PCDHA13: variants seen among roughly 807,000 people sequenced by gnomAD.
PCDHA13 encodes protocadherin alpha-13.
A neutral mutation model predicts 64.8 loss-of-function variants in PCDHA13; 54 were observed. The ratio of observed to expected loss-of-function variants is 0.83; its 90% CI spans 0.67 to 1.04. PCDHA13 has a LOEUF of 1.04. PCDHA13 is among the 50% of genes least tolerant of loss of function. The pLI is 0.00. For missense variants in PCDHA13, 1,248 were observed against 1,254.3 expected, an observed-to-expected ratio of 0.99 and a Z score of 0.08; for synonymous variants, 587 against 564.4, an observed-to-expected ratio of 1.04 and a Z score of -0.57.
At chr5:140,900,073 G>T (rs1490261769) in intron 1 of PCDHA13, among the ~76,000 whole-genome samples, 1 of 152,072 alleles carries the variant, frequency 6.6e-6, no homozygotes, top group African/African-American at 2.4e-5. Flanking sequence ...GCCTCCAAAA[G>T]TGCTGCAGTT....
chr5:140,969,311 G>A (rs2096317598), intron 1 of PCDHA13: 2 of 1,614,050 alleles, frequency 1.2e-6, no homozygotes, highest in Non-Finnish European at 1.7e-6. Context: ...TCTCAAAAAT[G>A]AGGCTGTTTC....
At chr5:140,893,336 A>G (rs2063930718) in intron 1 of PCDHA13, among the ~76,000 whole-genome samples, 1 of 152,098 alleles carries the variant, frequency 6.6e-6, no homozygotes, top group Admixed American at 6.6e-5. Context: ...TGTTTTCCTT[A>G]GTGGCAGTGC....
intron 1 of PCDHA13, among the ~76,000 whole-genome samples, chr5:140,965,464 C>T (rs987279720): frequency 1.3e-5 from 2 of 151,782 alleles, no homozygotes; most frequent in Admixed American, 1.3e-4. Context: ...AAGATAAATC[C>T]CAGACTCCCA....
At chr5:140,991,792 T>A (rs541458701) in intron 3 of PCDHA13, among the ~76,000 whole-genome samples, 4 of 152,282 alleles carry the variant, frequency 2.6e-5, no homozygotes, top group Non-Finnish European at 5.9e-5. Context: ...CATTTCCCAA[T>A]CTCAAGGCCA....
At chr5:140,926,911 G>A (rs1248832475) in intron 1 of PCDHA13, 4 of 1,561,318 alleles carry the variant, frequency 2.6e-6, no homozygotes, top group Non-Finnish European at 3.5e-6. Flanking sequence ...CTGTGGGGTG[G>A]CAGTTTTATG....
intron 1 of PCDHA13, among the ~76,000 whole-genome samples, chr5:140,898,033 G>T (rs1293808474): frequency 2.6e-5 from 4 of 152,032 alleles, no homozygotes; most frequent in African/African-American, 9.7e-5. Flanking sequence ...TTTTGATGGG[G>T]TTGTTTGTTT....
rs79336587 is a variant in PCDHA13 at position 140,997,550 on chromosome 5, C to T, written c.2543-12077C>T. Reference sequence around the variant, plus strand: ...ATAAAAATACATTATTATAATCTTACAGGACAACTGTCATATGTGTGGTCC... The same window carrying T: ...ATAAAAATACATTATTATAATCTTATAGGACAACTGTCATATGTGTGGTCC... On this transcript the variant is annotated intron_variant, in intron 3 of 3. Coordinates refer to ENST00000289272, the MANE Select transcript of PCDHA13 (RefSeq NM_018904.3). Among the ~76,000 whole-genome samples, 1,283 of 152,208 alleles carry T rather than the reference C, an allele frequency of 8.4e-3. 21 individuals carry two copies. The highest frequency in any genetic ancestry group is 0.029 in the African/African-American group (1,211 of 41,522).
At chr5:140,991,025 A>G (rs1440890555) in intron 3 of PCDHA13, among the ~76,000 whole-genome samples, 2 of 152,208 alleles carry the variant, frequency 1.3e-5, no homozygotes, top group African/African-American at 4.8e-5. Flanking sequence ...CACTTTACAT[A>G]TGTTGCATAC....
intron 2 of PCDHA13, among the ~76,000 whole-genome samples, chr5:140,980,556 G>A (rs1355966555): frequency 6.6e-6 from 1 of 152,126 alleles, no homozygotes; most frequent in Non-Finnish European, 1.5e-5. Flanking sequence ...CTTGAACCCG[G>A]GAGGCGGAAG....
intron 1 of PCDHA13, among the ~76,000 whole-genome samples, chr5:140,897,922 C>T (rs1476419563): frequency 3.3e-5 from 5 of 152,164 alleles, no homozygotes; most frequent in Non-Finnish European, 5.9e-5. Context: ...TTTTGATTTG[C>T]GTTTCTCTGA....
At chr5:140,953,218 C>T (rs575250415) in intron 1 of PCDHA13, among the ~76,000 whole-genome samples, 2 of 152,272 alleles carry the variant, frequency 1.3e-5, no homozygotes, top group East Asian at 3.9e-4. Flanking sequence ...ATCTTTCTTG[C>T]TTCTGCTTGG....
At chr5:140,955,716 A>G (rs2095221843) in intron 1 of PCDHA13, among the ~76,000 whole-genome samples, 1 of 152,220 alleles carries the variant, frequency 6.6e-6, no homozygotes, top group African/African-American at 2.4e-5. Flanking sequence ...TAATAGGAAT[A>G]CCATTGAATC....
chr5:140,969,281 A>C, intron 1 of PCDHA13: 5 of 1,614,220 alleles, frequency 3.1e-6, no homozygotes, highest in Non-Finnish European at 3.4e-6. Context: ...AAGTGGTCAG[A>C]ATGCTGGGAA....
intron 1 of PCDHA13, chr5:140,968,473 G>T (rs1389339011): frequency 6.2e-7 from 1 of 1,613,980 alleles, no homozygotes; most frequent in African/African-American, 1.3e-5. Context: ...ACGTATATGT[G>T]GTGGACATGA....
intron 1 of PCDHA13, among the ~76,000 whole-genome samples, chr5:140,960,137 T>C (rs2095528767): frequency 6.6e-6 from 1 of 152,232 alleles, no homozygotes; most frequent in African/African-American, 2.4e-5. Flanking sequence ...AATACTTAGA[T>C]ATTAATAGCT....
intron 3 of PCDHA13, among the ~76,000 whole-genome samples, chr5:140,989,936 C>T (rs564429410): frequency 1.3e-5 from 2 of 152,104 alleles, no homozygotes; most frequent in Non-Finnish European, 2.9e-5. Flanking sequence ...AGATGACATT[C>T]CACGTTTTTC....
At chr5:140,899,405 T>G (rs1369333627) in intron 1 of PCDHA13, among the ~76,000 whole-genome samples, 3 of 152,204 alleles carry the variant, frequency 2.0e-5, no homozygotes, top group Non-Finnish European at 4.4e-5. Flanking sequence ...CATGAAGGGT[T>G]GTTGAATTTT....
intron 2 of PCDHA13, chr5:140,982,222 A>C: frequency 3.5e-6 from 2 of 569,284 alleles, no homozygotes; most frequent in Non-Finnish European, 2.7e-6. Context: ...CATGGCGTTA[A>C]TAAAAAACAG....
rs564306575 is a variant in PCDHA13, at chr5:140,927,833, A to G, written c.2394+43171A>G. On this transcript the variant is annotated intron_variant, in intron 1 of 3. Coordinates refer to ENST00000289272, the MANE Select transcript of PCDHA13 (RefSeq NM_018904.3). Reference sequence around the variant, plus strand: ...TTGGAGGCATACATTGAGGCGAGGGACGAAGGTGTCTTTGGTTTAGCTAGC... The same window carrying G: ...TTGGAGGCATACATTGAGGCGAGGGGCGAAGGTGTCTTTGGTTTAGCTAGC... 5.0e-6 allele frequency: 8 copies of G among 1,614,044 alleles called. No individual in the cohort carries two copies. Among genetic ancestry groups the G allele is most frequent in the African/African-American group, 4.0e-5 (3 of 74,914 alleles).
Sources: gnomAD v4.1 joint callset for allele counts (sites outside exome capture counted in the v4.1 genomes callset) on GRCh38, gnomAD v4.1.1 for gene constraint, MANE v1.5 for transcripts, NCBI Gene and HGNC (gene_info 2026-07-23, HGNC 2026-07-21) for gene names.